Variants in SLC5A1 observed in about 807,000 individuals in gnomAD.
SLC5A1 encodes the protein sodium/glucose cotransporter 1.
Under a neutral mutation model 73.5 loss-of-function variants are expected in SLC5A1, and 42 were observed. That is an observed-to-expected ratio of 0.57 (90% CI 0.45 to 0.74). The LOEUF (loss-of-function observed/expected upper bound fraction) is 0.74. SLC5A1 is among the 30% of genes least tolerant of loss of function. The pLI is 0.00. For synonymous variants in SLC5A1, 300 were observed against 317.4 expected (o/e 0.95, Z 0.58); for missense variants, 634 against 855.4 (o/e 0.74, Z 3.23).
At chr22:32,049,328 T>C (rs565364123) in intron 1 of SLC5A1, among the ~76,000 whole-genome samples, 1 of 148,974 alleles carries the variant, frequency 6.7e-6, no homozygotes, top group Admixed American at 6.7e-5. Flanking sequence ...ATGCCTTGCA[T>C]TCTTAGAGCA....
chr22:32,068,744 A>G lies in SLC5A1; in HGVS notation c.477+144A>G, dbSNP rs1057239671. The G allele has an allele frequency of 2.3e-5, 16 of 681,794 alleles. 1 individual carries two copies. Among genetic ancestry groups the G allele is most frequent in the Admixed American group, 1.1e-4 (5 of 47,310 alleles). The allele number at this position is 681,794 out of a possible 1,614,324, so 42.2% of individuals were successfully genotyped here. On this transcript the variant is annotated intron_variant, in intron 5 of 14. Coordinates refer to ENST00000266088, the MANE Select transcript of SLC5A1 (RefSeq NM_000343.4). ...TTCTTGCGCCTTGGAGTAGAGTCCT[A>G]TTTCTGCATCGAGGAGCCAATGGAA...
At chr22:32,105,067 G>A (rs958062818) in intron 14 of SLC5A1, among the ~76,000 whole-genome samples, 176 bp downstream of exon 14, 1 of 152,180 alleles carries the variant, frequency 6.6e-6, no homozygotes, top group Non-Finnish European at 1.5e-5. Flanking sequence ...TTAACTCTGA[G>A]TTCAAGGGAA....
At chr22:32,104,639 T>A (rs2094041910) in intron 13 of SLC5A1, 147 bp from the exon 14 acceptor site, 1 of 699,298 alleles carries the variant, frequency 1.4e-6, no homozygotes, top group African/African-American at 1.7e-5. Flanking sequence ...GATAATGTTA[T>A]GGATGAGAAT....
chr22:32,079,690 A>C (rs951386792), intron 5 of SLC5A1, among the ~76,000 whole-genome samples: 10 of 152,054 alleles, frequency 6.6e-5, no homozygotes, highest in Admixed American at 2.6e-4. Context: ...ACCAAATCAA[A>C]CGTGTGTGCA....
Position 32,110,485 on chromosome 22 carries a change from C to A in SLC5A1, c.*272C>A. 1 of 507,714 alleles carries A rather than the reference C, an allele frequency of 2.0e-6. No individual in the cohort carries two copies. Among genetic ancestry groups the A allele is most frequent in the Admixed American group, 3.2e-5 (1 of 31,564 alleles). The allele number at this position is 507,714 out of a possible 1,614,324, so 31.5% of individuals were successfully genotyped here. On this transcript the variant is annotated 3_prime_UTR_variant, in exon 15 of 15. Coordinates refer to ENST00000266088, the MANE Select transcript of SLC5A1 (RefSeq NM_000343.4). ...ATCCAGAAAAAGGCAGACTAAGAATCAGAAGCCATGTGATTGATGTCTGAC... is the reference window on the plus strand; with the variant it reads ...ATCCAGAAAAAGGCAGACTAAGAATAAGAAGCCATGTGATTGATGTCTGAC...
Position 32,084,620 on chromosome 22 carries a change from GATGTCCATCCT to G in SLC5A1, c.847_857del (p.Met283TyrfsTer66). On this transcript the variant is annotated frameshift_variant, in exon 8 of 15. Transcript: ENST00000266088. LOFTEE classifies it high-confidence loss of function. ...TCCCATGGCCTGGGTTCATCTTTGG[GATGTCCATCCT>G]TACCTTGTGGTACTGGTGCACAGAT... 6.2e-7 allele frequency: 1 copy of G among 1,614,180 alleles called. No homozygotes were observed. The highest frequency in any genetic ancestry group is 8.5e-7 in the Non-Finnish European group (1 of 1,180,030).
At chr22:32,091,944 T>C (rs1417458393) in intron 11 of SLC5A1, among the ~76,000 whole-genome samples, 182 bp downstream of exon 11, 1 of 152,166 alleles carries the variant, frequency 6.6e-6, no homozygotes, top group Non-Finnish European at 1.5e-5. Flanking sequence ...ATTTTATTAT[T>C]TTTAAATTTT....
At position 32,088,446 on chromosome 22, in the gene SLC5A1, C is replaced by T. The variant is rs960837259; in HGVS notation, c.1129+2119C>T. On this transcript the variant is annotated intron_variant, in intron 10 of 14. Transcript: ENST00000266088. ...CCACCTCCCCAGTTCAAGCAATTCT[C>T]CTGCCTTAGCCTCTGTAGTAGCTGG... Among the ~76,000 whole-genome samples, 7 of 151,542 alleles carry T rather than the reference C, an allele frequency of 4.6e-5. No homozygotes were observed. In the East Asian group the frequency reaches 1.4e-3, roughly 29 times the overall value.
At chr22:32,083,282 C>A in intron 7 of SLC5A1, 128 bp downstream of exon 7, 1 of 755,470 alleles carries the variant, frequency 1.3e-6, no homozygotes, top group South Asian at 1.6e-5. Context: ...CTCTGCCCTT[C>A]CAAACGGAGG....
At chr22:32,101,893 A>G in intron 12 of SLC5A1, 129 bp from the exon 13 acceptor site, 1 of 744,882 alleles carries the variant, frequency 1.3e-6, no homozygotes, top group Non-Finnish European at 2.4e-6. Context: ...TTCTGGGTTC[A>G]GACAGCCTGG....
chr22:32,067,355 T>TTATTA (rs199755449), intron 3 of SLC5A1, among the ~76,000 whole-genome samples: 43 of 150,032 alleles, frequency 2.9e-4, no homozygotes, highest in Admixed American at 1.7e-3. Flanking sequence ...ATTATTATTA[T>TTATTA]TTTTTTTAAA....
intron 14 of SLC5A1, among the ~76,000 whole-genome samples, chr22:32,109,739 A>G (rs1363943796): frequency 6.6e-6 from 1 of 152,196 alleles, no homozygotes; most frequent in Non-Finnish European, 1.5e-5. Context: ...TGGGCCTGAT[A>G]GAGATAAAAC....
chr22:32,109,940 C>A, intron 14 of SLC5A1, 50 bp from the exon 15 acceptor site: 1 of 1,508,862 alleles, frequency 6.6e-7, no homozygotes, highest in Non-Finnish European at 9.2e-7. Flanking sequence ...GAAAACTTTT[C>A]TAGTCCATCC....
intron 6 of SLC5A1, among the ~76,000 whole-genome samples, chr22:32,082,816 A>C (rs1283320017): frequency 1.3e-5 from 2 of 152,190 alleles, no homozygotes; most frequent in African/African-American, 4.8e-5. Context: ...CTTCTGGCTC[A>C]AAAGGGTCAC....
At chr22:32,077,163 A>AATTTTC (rs2093992282) in intron 5 of SLC5A1, among the ~76,000 whole-genome samples, 1 of 152,144 alleles carries the variant, frequency 6.6e-6, no homozygotes, top group Admixed American at 6.5e-5. Context: ...GCTTAGCAGC[A>AATTTTC]TTGGAGAAAT....
intron 2 of SLC5A1, among the ~76,000 whole-genome samples, chr22:32,054,568 C>T (rs2093949150): frequency 1.3e-5 from 2 of 151,930 alleles, no homozygotes; most frequent in Admixed American, 6.6e-5. Flanking sequence ...GATGAGTAAC[C>T]CAAGTGGAAG....
At chr22:32,104,724 C>A (rs1413592065) in intron 13 of SLC5A1, 62 bp from the exon 14 acceptor site, 12 of 1,348,986 alleles carry the variant, frequency 8.9e-6, no homozygotes, top group Middle Eastern at 1.8e-4. Context: ...TTTGCCCCCC[C>A]AACTTCTTGT....
intron 14 of SLC5A1, among the ~76,000 whole-genome samples, chr22:32,106,647 C>T (rs117939657): frequency 7.2e-5 from 11 of 152,302 alleles, no homozygotes; most frequent in Non-Finnish European, 1.5e-4. Flanking sequence ...TGCAGAAAAT[C>T]AAATTTCTCT....
At chr22:32,107,802 A>T (rs1006458788) in intron 14 of SLC5A1, among the ~76,000 whole-genome samples, 1 of 152,112 alleles carries the variant, frequency 6.6e-6, no homozygotes, top group African/African-American at 2.4e-5. Flanking sequence ...AAGCACAATA[A>T]ACTAAGCTAT....
Sources: allele counts gnomAD v4.1 joint callset (sites outside exome capture counted in the v4.1 genomes callset), GRCh38; gene constraint gnomAD v4.1.1; transcripts MANE v1.5; gene names NCBI Gene and HGNC (gene_info 2026-07-23, HGNC 2026-07-21).